Variants in NUP205 observed in about 807,000 individuals in gnomAD.
NUP205 encodes nucleoporin 205.
Under a neutral mutation model 253.8 loss-of-function variants are expected in NUP205, and 76 were observed. The ratio of observed to expected loss-of-function variants is 0.30; its 90% CI spans 0.25 to 0.36. The LOEUF is 0.36. Among genes scored for constraint, NUP205 ranks in the 10% least tolerant of loss-of-function variants. The pLI is 1.00. For missense variants in NUP205, 2,162 were observed against 2,425.5 expected (o/e 0.89, Z 2.28); for synonymous variants, 832 against 850.1 (o/e 0.98, Z 0.37).
chr7:135,628,013 C>G lies in NUP205; in HGVS notation c.4834C>G (p.Pro1612Ala), dbSNP rs190755726. The change falls in exon 34 of 43, where the codon CCA (proline) becomes GCA (alanine). Residue 1612 changes from proline to alanine, a missense_variant. Physicochemically the swap from Pro to Ala is conservative, Grantham distance 27. Around this residue, in one of 5 missense-constraint regions of NUP205, gnomAD observed 1,144 missense variants for 1,280.9 expected, o/e 0.89. Transcript: ENST00000285968. The part of the protein sequence containing the change: ...MRDPPMFIPT[P>A]VDRYRQILLP... ...AGACCCTCCAATGTTCATCCCTACC[C>G]CAGTGGATCGCTACCGCCAGATTCT... 1 of 1,611,854 alleles carries G rather than the reference C, an allele frequency of 6.2e-7. No homozygotes were observed. Among genetic ancestry groups the G allele is most frequent in the East Asian group, 2.2e-5 (1 of 44,816 alleles).
intron 34 of NUP205, among the ~76,000 whole-genome samples, chr7:135,629,471 C>A (rs1584685878): frequency 8.3e-5 from 1 of 12,070 alleles, no homozygotes; most frequent in East Asian, 9.5e-4. Context: ...GAGACCCTAT[C>A]TCTCTCTCTC....
intron 34 of NUP205, among the ~76,000 whole-genome samples, chr7:135,629,160 C>A (rs1446513662): frequency 6.6e-6 from 1 of 152,230 alleles, no homozygotes; most frequent in African/African-American, 2.4e-5. Flanking sequence ...GATCACAATT[C>A]TGAGTGATTC....
At chr7:135,628,170 A>G (rs2129491895) in intron 34 of NUP205, 59 bp downstream of exon 34, 2 of 1,525,478 alleles carry the variant, frequency 1.3e-6, no homozygotes, top group Non-Finnish European at 1.8e-6. Context: ...TTACAAGTAC[A>G]GAAACCTTAC....
chr7:135,619,423 A>G lies in NUP205; in HGVS notation c.3964A>G (p.Ile1322Val), dbSNP rs1488873928. The change falls in exon 29 of 43, where the codon ATA becomes GTA. Residue 1322 changes from isoleucine to valine, a missense_variant and splice_region_variant. Ile to Val is a conservative substitution (Grantham distance 29, BLOSUM62 3). Transcript: ENST00000285968. ...RDILQDVHDK[I>V]LDDEAAQELM... The stretch of plus-strand genomic sequence containing the variant: ...CTCTAATTTGCCCTTGTCCTTTAAG[A>G]TACTGGATGATGAAGCTGCGCAAGA... 1 of 1,612,068 alleles carries G rather than the reference A, an allele frequency of 6.2e-7. No homozygotes were observed. The highest frequency in any genetic ancestry group is 8.5e-7 in the Non-Finnish European group (1 of 1,179,744).
intron 1 of NUP205, among the ~76,000 whole-genome samples, chr7:135,570,052 T>TATATATAGAGAGAG (rs1284263475): frequency 2.5e-5 from 2 of 79,186 alleles, no homozygotes; most frequent in African/African-American, 1.0e-4. Context: ...TATATATATA[T>TATATATAGAGAGAG]AGAGAGAGAG....
chr7:135,646,270 T>TGAAGA, intron 42 of NUP205, 39 bp downstream of exon 42: 1 of 1,439,148 alleles, frequency 6.9e-7, no homozygotes, highest in Non-Finnish European at 9.8e-7. Flanking sequence ...TTTTCTTCAT[T>TGAAGA]AAAGTAAAAG....
intron 10 of NUP205, among the ~76,000 whole-genome samples, chr7:135,589,915 C>G (rs1022551519): frequency 6.6e-6 from 1 of 150,778 alleles, no homozygotes; most frequent in African/African-American, 2.4e-5. Flanking sequence ...AAGACCCTGT[C>G]TCAAAAGAAA....
rs1308174165 is a variant in NUP205 at position 135,645,030 on chromosome 7, G to T, written c.5683+12G>T. 6.2e-7 allele frequency: 1 copy of T among 1,613,416 alleles called. No individual in the cohort carries two copies. Among genetic ancestry groups the T allele is most frequent in the East Asian group, 2.2e-5 (1 of 44,866 alleles). ...TTCCCTTTGTTCTTGTATCCTTTAT[G>T]AAATCATGCACTTGAATGATGACCT... is the stretch of plus-strand genomic sequence containing the variant. On this transcript the variant is annotated intron_variant, in intron 40 of 42. Coordinates refer to ENST00000285968, the MANE Select transcript of NUP205 (RefSeq NM_015135.3).
chr7:135,598,956 C>A (rs1156739741), intron 15 of NUP205: 2 of 152,074 alleles, frequency 1.3e-5, no homozygotes, highest in East Asian at 3.9e-4. Flanking sequence ...TGTTTATTAA[C>A]CTTACAGAAT....
rs762234923 is a variant in NUP205, at chr7:135,625,374, T to G, written c.4671+19T>G. Reference sequence around the variant, plus strand: ...TAAAATGGTAAGGCTTTCTAGACATTTGATGTTAGATCAAGAAGTCGTTTT... The same window carrying G: ...TAAAATGGTAAGGCTTTCTAGACATGTGATGTTAGATCAAGAAGTCGTTTT... On this transcript the variant is annotated intron_variant, in intron 32 of 42. Coordinates refer to ENST00000285968, the MANE Select transcript of NUP205 (RefSeq NM_015135.3). 3.2e-6 allele frequency: 5 copies of G among 1,538,764 alleles called. No individual in the cohort carries two copies. The African/African-American group carries it at 7.0e-5, about 22-fold the overall frequency.
intron 31 of NUP205, 100 bp downstream of exon 31, chr7:135,623,025 C>G: frequency 7.9e-7 from 1 of 1,264,440 alleles, no homozygotes; most frequent in East Asian, 2.5e-5. Flanking sequence ...TGCCTGTAAT[C>G]TCAGTGCTTT....
intron 1 of NUP205, among the ~76,000 whole-genome samples, chr7:135,570,886 T>TATATATTATATATTTATATGTAATATATA (rs1805978163): frequency 1.6e-5 from 2 of 122,972 alleles, no homozygotes; most frequent in East Asian, 4.1e-4. Flanking sequence ...TGTAATATAT[T>TATATATTATATATTTATATGTAATATATA]ATATATTATA....
At chr7:135,619,387 C>T (rs774121639) in intron 28 of NUP205, 36 bp from the exon 29 acceptor site, 38 of 1,585,882 alleles carry the variant, frequency 2.4e-5, no homozygotes, top group Non-Finnish European at 3.3e-5. Flanking sequence ...TAGCTGAAAG[C>T]AGGATTCTCA....
At position 135,570,950 on chromosome 7, in the gene NUP205, A is replaced by ATAGT. The variant is rs201427795; in HGVS notation, c.29-153_29-152insGTTA. Among the ~76,000 whole-genome samples, 3,401 of 135,456 alleles carry ATAGT rather than the reference A, an allele frequency of 0.025. 75 individuals carry two copies. Among genetic ancestry groups the ATAGT allele is most frequent in the South Asian group, 0.076 (357 of 4,668 alleles). The allele number at this position is 135,456 out of a possible 152,430, so 88.9% of individuals were successfully genotyped here. A position where few individuals can be genotyped will look rare whatever the true frequency, so the allele number is the denominator to read the frequency against. On this transcript the variant is annotated intron_variant, in intron 1 of 42. Coordinates refer to ENST00000285968, the MANE Select transcript of NUP205 (RefSeq NM_015135.3). ...TAGTTAATGTAACATACTAATTATAATATTTATAATATAATTGATAATTAT... is the reference window on the plus strand; with the variant it reads ...TAGTTAATGTAACATACTAATTATAATAGTTATTTATAATATAATTGATAATTAT...
chr7:135,627,849 T>C, intron 33 of NUP205, 124 bp from the exon 34 acceptor site: 1 of 860,284 alleles, frequency 1.2e-6, no homozygotes, highest in Non-Finnish European at 1.9e-6. Context: ...GGATGCAGAG[T>C]ACTCACTAGT....
At chr7:135,579,719 C>T (rs55694442) in intron 7 of NUP205, among the ~76,000 whole-genome samples, 5,171 of 152,208 alleles carry the variant, frequency 0.034, 118 homozygotes, top group Middle Eastern at 0.1. Flanking sequence ...GATCCCGGCT[C>T]ACTGCAACCT....
intron 1 of NUP205, among the ~76,000 whole-genome samples, chr7:135,563,813 C>T (rs913170765): frequency 2.0e-5 from 3 of 151,992 alleles, no homozygotes; most frequent in East Asian, 1.9e-4. Context: ...AGCAACATCC[C>T]AGTTCTACAA....
At chr7:135,618,857 T>C (rs1446324844) in intron 28 of NUP205, among the ~76,000 whole-genome samples, 2 of 152,174 alleles carry the variant, frequency 1.3e-5, no homozygotes. Context: ...CTACTGAATG[T>C]AGTGGTGAGA....
At chr7:135,581,188 G>C (rs1348043834) in intron 7 of NUP205, among the ~76,000 whole-genome samples, 1 of 152,052 alleles carries the variant, frequency 6.6e-6, no homozygotes, top group Non-Finnish European at 1.5e-5. Flanking sequence ...TTGAAAAATT[G>C]GTTTCTGTTC....
Sources: allele counts gnomAD v4.1 joint callset (sites outside exome capture counted in the v4.1 genomes callset), GRCh38; gene constraint gnomAD v4.1.1; regional missense constraint gnomAD v4.1.1; transcripts MANE v1.5; gene names NCBI Gene and HGNC (gene_info 2026-07-23, HGNC 2026-07-21).